The following PRDM16 variants were observed in gnomAD, a reference collection of about 807,000 sequenced individuals.
PRDM16 encodes the protein histone-lysine N-methyltransferase PRDM16.
PRDM16 carries 23 observed loss-of-function variants against 110.6 expected under a neutral mutation model. The ratio of observed to expected loss-of-function variants is 0.21; its 90% confidence interval spans 0.15 to 0.29. PRDM16 has a LOEUF of 0.29. Ranked by LOEUF, PRDM16 falls within the 10% of genes least tolerant of loss-of-function variation. PRDM16 has a pLI of 1.00. For missense variants in PRDM16, 1,615 were observed against 1,794.3 expected (o/e 0.90, Z 1.81); for synonymous variants, 799 against 781.8 (o/e 1.02, Z -0.37).
intron 3 of PRDM16, among the ~76,000 whole-genome samples, chr1:3,367,238 C>T (rs946015051): frequency 4.6e-5 from 7 of 151,946 alleles, no homozygotes; most frequent in African/African-American, 1.7e-4. Context: ...CATTGCACTC[C>T]AGCCTGGCCT....
rs1468393697 is a variant in PRDM16, at chr1:3,414,559, G to A, written c.2604-1G>A. 6.8e-6 allele frequency: 11 copies of A among 1,612,322 alleles called. No homozygotes were observed. Among genetic ancestry groups the A allele is most frequent in the Non-Finnish European group, 9.3e-6 (11 of 1,178,954 alleles). Reference sequence around the variant, plus strand: ...ACGTAACCCTCTGTGCTGTTGTCCAGCAGGGTAGAAAAGCGGAAGGTCACA... The same window carrying A: ...ACGTAACCCTCTGTGCTGTTGTCCAACAGGGTAGAAAAGCGGAAGGTCACA... On this transcript the variant is annotated splice_acceptor_variant, in intron 9 of 16. Transcript: ENST00000270722. LOFTEE classifies it high-confidence loss of function.
In PRDM16 at chr1:3,097,641, G is replaced by A. The variant is rs777599443; in HGVS notation, c.37+28345G>A. On this transcript the variant is annotated intron_variant, in intron 1 of 16. Coordinates refer to ENST00000270722, the MANE Select transcript of PRDM16 (RefSeq NM_022114.4). ...TCTCATCTCCAGCCTGGAGATTCCC[G>A]CCCCACAGCCCCTCTGGGGGTCTTG... Among the ~76,000 whole-genome samples, 5 of 152,282 alleles carry A rather than the reference G, an allele frequency of 3.3e-5. No homozygotes were observed. In the South Asian group the frequency reaches 6.2e-4, roughly 19 times the overall value.
intron 2 of PRDM16, among the ~76,000 whole-genome samples, chr1:3,240,799 T>C (rs1435638931): frequency 6.6e-6 from 1 of 152,248 alleles, no homozygotes; most frequent in African/African-American, 2.4e-5. Flanking sequence ...ACAGAGGGTA[T>C]TTATTTTAAG....
intron 3 of PRDM16, among the ~76,000 whole-genome samples, chr1:3,381,756 C>T (rs908399937): frequency 4.6e-5 from 7 of 152,202 alleles, no homozygotes; most frequent in Admixed American, 1.3e-4. Flanking sequence ...TGGTCACTCA[C>T]GCGTCATTTA....
rs755458264 is a variant in PRDM16, at chr1:3,186,135, C to G, written c.48C>G (p.Asp16Glu). ...RARKLAKSDG[D>E]VVNNMYEPNR... ...CGTTGTCTCCTTTAGGTGACGGTGA[C>G]GTTGTAAATAATATGTATGAGCCCA... The change falls in exon 2 of 17, where the codon GAC (aspartate) becomes GAG (glutamate). Residue 16 changes from aspartate (D) to glutamate (E), a missense_variant. By Grantham distance (45) the Asp-to-Glu change is conservative. Transcript: ENST00000270722. The G allele has an allele frequency of 6.2e-7, 1 of 1,612,330 alleles. No homozygotes were observed. The highest frequency in any genetic ancestry group is 1.1e-5 in the South Asian group (1 of 91,076).
chr1:3,225,335 A>G (rs745646420), intron 2 of PRDM16, among the ~76,000 whole-genome samples: 1 of 152,124 alleles, frequency 6.6e-6, no homozygotes, highest in South Asian at 2.1e-4. Flanking sequence ...ATTTTGACAA[A>G]CCCAAATATT....
chr1:3,266,303 G>A (rs545842067), intron 3 of PRDM16, among the ~76,000 whole-genome samples: 2 of 152,256 alleles, frequency 1.3e-5, no homozygotes, highest in South Asian at 2.1e-4. Context: ...ACAGCCGGAC[G>A]CCAGGAGAGC....
At chr1:3,178,643 AC>A (rs559667716) in intron 1 of PRDM16, among the ~76,000 whole-genome samples, 28 of 152,142 alleles carry the variant, frequency 1.8e-4, no homozygotes, top group African/African-American at 6.5e-4. Flanking sequence ...CCTCTGTTAA[AC>A]CCTGTTTCCC....
intron 4 of PRDM16, among the ~76,000 whole-genome samples, chr1:3,392,675 G>A (rs1445845909): frequency 1.3e-5 from 2 of 152,208 alleles, no homozygotes; most frequent in African/African-American, 4.8e-5. Context: ...TCCCAAAGCT[G>A]GCAGCCATTG....
rs941476980 is a variant in PRDM16, at chr1:3,339,441, G to A, written c.439-45711G>A. 6.6e-6 allele frequency among the ~76,000 whole-genome samples: 1 copy of A among 152,118 alleles called. No individual in the cohort carries two copies. Among genetic ancestry groups the A allele is most frequent in the African/African-American group, 2.4e-5 (1 of 41,428 alleles). Reference sequence around the variant, plus strand: ...CCCTAGAAAGTGCTCAGAGCAGAGCGGAAAGGGCATGACCCCTACCCAGTG... The same window carrying A: ...CCCTAGAAAGTGCTCAGAGCAGAGCAGAAAGGGCATGACCCCTACCCAGTG... On this transcript the variant is annotated intron_variant, in intron 3 of 16. Coordinates refer to ENST00000270722, the MANE Select transcript of PRDM16 (RefSeq NM_022114.4). The surrounding 1 kb of genome is among the most constrained non-coding windows in gnomAD (Gnocchi z 5.0).
At chr1:3,074,865 A>C (rs896861866) in intron 1 of PRDM16, among the ~76,000 whole-genome samples, 4 of 152,362 alleles carry the variant, frequency 2.6e-5, no homozygotes, top group Non-Finnish European at 5.9e-5. Flanking sequence ...TCTGAGCTGC[A>C]GGGTGGAAGG....
At position 3,435,661 on chromosome 1, in the gene PRDM16, C is replaced by T. The variant is rs569767543; in HGVS notation, c.*1850C>T. 1.3e-5 allele frequency: 3 copies of T among 229,048 alleles called. No individual in the cohort carries two copies. Among genetic ancestry groups the T allele is most frequent in the African/African-American group, 4.4e-5 (2 of 45,036 alleles). 14.2% of individuals were successfully genotyped at this position (229,048 alleles called of 1,614,324 possible). On this transcript the variant is annotated 3_prime_UTR_variant, in exon 17 of 17. Transcript: ENST00000270722. ...GCCGCCTTGGTGTGGGTTTGTGTCA[C>T]GTGTGGACATCTCCTCAGGCTTTGT... is the stretch of plus-strand genomic sequence containing the variant.
Position 3,433,928 on chromosome 1 carries a change from C to A in PRDM16, c.*117C>A. On this transcript the variant is annotated 3_prime_UTR_variant, in exon 17 of 17. Transcript: ENST00000270722. ...GTGTGGCCACTCCTCAGCATCCTCCCCACCCACCATGGTTCATTCCGACTT... is the reference window on the plus strand; with the variant it reads ...GTGTGGCCACTCCTCAGCATCCTCCACACCCACCATGGTTCATTCCGACTT... The A allele has an allele frequency of 9.8e-7, 1 of 1,021,118 alleles. No homozygotes were observed. Among genetic ancestry groups the A allele is most frequent in the Non-Finnish European group, 1.4e-6 (1 of 708,030 alleles). The allele number at this position is 1,021,118 out of a possible 1,614,324, so 63.3% of individuals were successfully genotyped here.
At chr1:3,146,883 T>G (rs1643675497) in intron 1 of PRDM16, among the ~76,000 whole-genome samples, 1 of 85,508 alleles carries the variant, frequency 1.2e-5, no homozygotes, top group Non-Finnish European at 2.1e-5. Flanking sequence ...GTGTTTGGTG[T>G]GGGGTGTGTG....
rs12073172 is a variant in PRDM16 at position 3,359,810 on chromosome 1, G to A, written c.439-25342G>A. Reference sequence around the variant, plus strand: ...AAAAACGAGCCTGGCCTGAAACCACGCCCGTGCTCAAAGTGATGTTTACTT... The same window carrying A: ...AAAAACGAGCCTGGCCTGAAACCACACCCGTGCTCAAAGTGATGTTTACTT... On this transcript the variant is annotated intron_variant, in intron 3 of 16. Transcript: ENST00000270722. The surrounding 1 kb of genome is among the most constrained non-coding windows in gnomAD (Gnocchi z 4.3). Among the ~76,000 whole-genome samples the A allele has an allele frequency of 0.42, 62,595 of 149,398 alleles. 13,563 individuals carry two copies. Among genetic ancestry groups the A allele is most frequent in the East Asian group, 0.61 (3,137 of 5,118 alleles).
intron 3 of PRDM16, among the ~76,000 whole-genome samples, chr1:3,351,747 TC>T (rs1342005534): frequency 6.5e-5 from 6 of 92,786 alleles, no homozygotes; most frequent in African/African-American, 9.0e-5. Context: ...TCTCCCTCTC[TC>T]CCCCCCCTCT....
At chr1:3,366,328 G>A (rs928575366) in intron 3 of PRDM16, among the ~76,000 whole-genome samples, 1 of 152,228 alleles carries the variant, frequency 6.6e-6, no homozygotes, top group African/African-American at 2.4e-5. Context: ...ATGTCCTGAC[G>A]GGAAGGCACG....
intron 3 of PRDM16, among the ~76,000 whole-genome samples, chr1:3,305,081 C>T (rs1246967141): frequency 1.3e-5 from 2 of 152,126 alleles, no homozygotes; most frequent in East Asian, 1.9e-4. Context: ...TGCTCCCAGC[C>T]GGAAAGCCTG....
intron 2 of PRDM16, chr1:3,207,586 T>C (rs2100838666): frequency 6.6e-6 from 1 of 152,412 alleles, no homozygotes; most frequent in Admixed American, 6.5e-5. Context: ...ACACCCGTAC[T>C]TGGCATTCGC....
Sources: gnomAD v4.1 joint callset for allele counts (sites outside exome capture counted in the v4.1 genomes callset) on GRCh38, gnomAD v4.1.1 for gene constraint, Gnocchi (gnomAD v3.1) non-coding constraint, MANE v1.5 for transcripts, NCBI Gene and HGNC (gene_info 2026-07-23, HGNC 2026-07-21) for gene names.